Variants in ADAMTS3 observed in about 807,000 individuals in gnomAD.
The protein encoded by ADAMTS3 is ADAM metallopeptidase with thrombospondin type 1 motif 3.
ADAMTS3 carries 73 observed loss-of-function variants against 129.0 expected under a neutral mutation model. That is an observed-to-expected ratio of 0.57 (90% CI 0.47 to 0.69). The LOEUF (loss-of-function observed/expected upper bound fraction) is 0.69. ADAMTS3 is among the 30% of genes least tolerant of loss of function. The probability of loss-of-function intolerance (pLI) is 0.00; values close to 1 mark genes in which losing one functional copy is unlikely to be tolerated. For missense variants in ADAMTS3, 1,457 were observed against 1,514.5 expected (o/e 0.96, Z 0.63); for synonymous variants, 477 against 510.8 (o/e 0.93, Z 0.89).
intron 3 of ADAMTS3, among the ~76,000 whole-genome samples, chr4:72,504,305 T>A (rs1170209721): frequency 1.3e-5 from 2 of 152,170 alleles, no homozygotes; most frequent in Admixed American, 1.3e-4. Context: ...TGAAAAAATA[T>A]TTTATTTCTC....
intron 3 of ADAMTS3, among the ~76,000 whole-genome samples, chr4:72,530,413 T>G (rs1371822901): frequency 2.3e-5 from 2 of 86,242 alleles, no homozygotes; most frequent in African/African-American, 9.5e-5. Context: ...ATTTAATATA[T>G]AATATATATT....
Position 72,439,470 on chromosome 4 carries a change from C to G in ADAMTS3, c.505-24499G>C, listed in dbSNP as rs189444153. Among the ~76,000 whole-genome samples the G allele has an allele frequency of 1.6e-4, 25 of 151,542 alleles. No homozygotes were observed. The East Asian group carries it at 4.9e-3, about 30-fold the overall frequency. The stretch of plus-strand genomic sequence containing the variant: ...TAGTCAAATAATAGTCATCAGTTTC[C>G]TTATTTTTTTCCTTTTTTTAAGATG... On this transcript the variant is annotated intron_variant, in intron 3 of 21. Coordinates refer to ENST00000286657, the MANE Select transcript of ADAMTS3 (RefSeq NM_014243.3).
rs191899970 is a variant in ADAMTS3, at chr4:72,480,399, C to G, written c.505-65428G>C. The stretch of plus-strand genomic sequence containing the variant: ...GATGAGTTCATGTCCTTTGTAGGGA[C>G]ATGGATGAAATTGGAAATCATCCTT... On this transcript the variant is annotated intron_variant, in intron 3 of 21. Coordinates refer to ENST00000286657, the MANE Select transcript of ADAMTS3 (RefSeq NM_014243.3). Among the ~76,000 whole-genome samples, 1,321 of 152,186 alleles carry G rather than the reference C, an allele frequency of 8.7e-3. 9 individuals are homozygous for G. Among genetic ancestry groups the G allele is most frequent in the African/African-American group, 0.03 (1,257 of 41,504 alleles).
chr4:72,355,148 T>C (rs1309265923), intron 4 of ADAMTS3, among the ~76,000 whole-genome samples: 2 of 151,908 alleles, frequency 1.3e-5, no homozygotes, highest in African/African-American at 4.8e-5. Context: ...ACTCATTTTT[T>C]TTTGCAATTT....
At chr4:72,524,550 AATTATT>A (rs1578761045) in intron 3 of ADAMTS3, among the ~76,000 whole-genome samples, 1 of 151,800 alleles carries the variant, frequency 6.6e-6, no homozygotes, top group Non-Finnish European at 1.5e-5. Context: ...TATTATTATT[AATTATT>A]ATTAAGTTAC....
intron 3 of ADAMTS3, among the ~76,000 whole-genome samples, chr4:72,494,591 T>A (rs1560537470): frequency 1.3e-5 from 2 of 152,218 alleles, no homozygotes; most frequent in Non-Finnish European, 1.5e-5. Flanking sequence ...TACAGTCAGA[T>A]ACTGGAAAAT....
chr4:72,417,984 T>C (rs1166339415), intron 3 of ADAMTS3, among the ~76,000 whole-genome samples: 1 of 149,038 alleles, frequency 6.7e-6, no homozygotes, highest in Non-Finnish European at 1.5e-5. Flanking sequence ...AATATACTAA[T>C]AAATGAGAAA....
At chr4:72,358,087 G>T (rs558615888) in intron 4 of ADAMTS3, among the ~76,000 whole-genome samples, 2 of 151,862 alleles carry the variant, frequency 1.3e-5, no homozygotes, top group South Asian at 4.2e-4. Flanking sequence ...TTCCTAGGGG[G>T]TGGAATGCCT....
At chr4:72,475,175 A>G (rs1456230262) in intron 3 of ADAMTS3, among the ~76,000 whole-genome samples, 2 of 152,160 alleles carry the variant, frequency 1.3e-5, no homozygotes, top group Non-Finnish European at 2.9e-5. Flanking sequence ...ATTAATAATT[A>G]CATTAAATAT....
At chr4:72,312,578 A>G in intron 12 of ADAMTS3, 112 bp from the exon 13 acceptor site, 1 of 973,380 alleles carries the variant, frequency 1.0e-6, no homozygotes, top group Non-Finnish European at 1.5e-6. Flanking sequence ...GCCAGCACAA[A>G]GTGAATGAAC....
chr4:72,531,686 G>A (rs1468236267), intron 3 of ADAMTS3, among the ~76,000 whole-genome samples: 1 of 152,108 alleles, frequency 6.6e-6, no homozygotes, highest in African/African-American at 2.4e-5. Context: ...GTTCATGGAG[G>A]CAAAATGGCT....
chr4:72,438,347 T>C (rs1427327322), intron 3 of ADAMTS3, among the ~76,000 whole-genome samples: 2 of 151,774 alleles, frequency 1.3e-5, no homozygotes, highest in Non-Finnish European at 2.9e-5. Context: ...ACATTTCCAG[T>C]TACGTTATGT....
chr4:72,428,407 T>G (rs1302076960), intron 3 of ADAMTS3, among the ~76,000 whole-genome samples: 1 of 152,088 alleles, frequency 6.6e-6, no homozygotes. Flanking sequence ...TTTTCCTTAG[T>G]CATGATGAGG....
chr4:72,288,779 G>A lies in ADAMTS3; in HGVS notation c.3021C>T (p.Val1007=). 6.2e-7 allele frequency: 1 copy of A among 1,613,800 alleles called. No individual in the cohort carries two copies. The highest frequency in any genetic ancestry group is 8.5e-7 in the Non-Finnish European group (1 of 1,179,792). Residue 1007 remains valine (V), a synonymous_variant, in exon 21 of 22, where the codon GTC becomes GTT. Transcript: ENST00000286657. The part of the protein sequence containing the change: ...DHCDGEKPES[V]RACQLPPCND... ...TACAAGGAGGCAGTTGACAGGCTCT[G>A]ACCGACTCAGGCTTTTCACCATCAC...
intron 2 of ADAMTS3, 115 bp downstream of exon 2, chr4:72,567,259 G>T: frequency 9.5e-7 from 1 of 1,057,010 alleles, no homozygotes; most frequent in Non-Finnish European, 1.4e-6. Flanking sequence ...CCGGACTACA[G>T]ATTATTTTTT....
chr4:72,480,481 TG>T (rs925438952), intron 3 of ADAMTS3, among the ~76,000 whole-genome samples: 1 of 150,594 alleles, frequency 6.6e-6, no homozygotes, highest in African/African-American at 2.5e-5. Context: ...CAATCATAGA[TG>T]GGAATTGAAC....
chr4:72,448,673 C>T (rs1718318094), intron 3 of ADAMTS3, among the ~76,000 whole-genome samples: 1 of 151,626 alleles, frequency 6.6e-6, no homozygotes, highest in Non-Finnish European at 1.5e-5. Flanking sequence ...TTTCAACCAG[C>T]TATGCTAAAT....
chr4:72,459,334 AATTT>A lies in ADAMTS3; in HGVS notation c.505-44367_505-44364del, dbSNP rs1193050544. Among the ~76,000 whole-genome samples, 5 of 151,638 alleles carry A rather than the reference AATTT, an allele frequency of 3.3e-5. No individual in the cohort carries two copies. In the East Asian group the frequency reaches 9.7e-4, roughly 30 times the overall value. ...AAGAACACTTTGGATAAGAATTTAA[AATTT>A]ATTTGCTAAATATTTCAATTCCGAG... On this transcript the variant is annotated intron_variant, in intron 3 of 21. Transcript: ENST00000286657.
At chr4:72,518,863 A>T (rs2109737880) in intron 3 of ADAMTS3, among the ~76,000 whole-genome samples, 1 of 151,914 alleles carries the variant, frequency 6.6e-6, no homozygotes, top group East Asian at 1.9e-4. Context: ...GTTATGTGTG[A>T]ATTTGATCCT....
Sources: gnomAD v4.1 joint callset for allele counts (sites outside exome capture counted in the v4.1 genomes callset) on GRCh38, gnomAD v4.1.1 for gene constraint, MANE v1.5 for transcripts, NCBI Gene and HGNC (gene_info 2026-07-23, HGNC 2026-07-21) for gene names.